IFFO2: variants seen among roughly 807,000 people sequenced by gnomAD.
IFFO2 encodes intermediate filament family orphan 2.
IFFO2 carries 19 observed loss-of-function variants against 53.5 expected under a neutral mutation model. The ratio of observed to expected loss-of-function variants is 0.36; its 90% confidence interval spans 0.25 to 0.52. The LOEUF (loss-of-function observed/expected upper bound fraction) is 0.52, where lower values mean the gene tolerates loss of function less well. Ranked by LOEUF, IFFO2 falls within the 20% of genes least tolerant of loss-of-function variation. IFFO2 has a pLI of 0.94. For missense variants in IFFO2, 570 were observed against 727.4 expected (o/e 0.78, Z 2.49); for synonymous variants, 303 against 313.6 (o/e 0.97, Z 0.36).
At chr1:18,942,111 C>T (rs577940000) in intron 1 of IFFO2, among the ~76,000 whole-genome samples, 2 of 152,298 alleles carry the variant, frequency 1.3e-5, no homozygotes, top group South Asian at 2.1e-4. Context: ...CTCACTGTGC[C>T]GCGTTTTCCT....
rs532371853 is a variant in IFFO2 at position 18,922,220 on chromosome 1, G to A, written c.666-1099C>T. On this transcript the variant is annotated intron_variant, in intron 1 of 8. Coordinates refer to ENST00000455833, the MANE Select transcript of IFFO2 (RefSeq NM_001136265.2). ...ACCCAGGAACTGTCAAAGCCTAAAGGCCCTAACCCAGCTCCTCCAACAGAG... is the reference window on the plus strand; with the variant it reads ...ACCCAGGAACTGTCAAAGCCTAAAGACCCTAACCCAGCTCCTCCAACAGAG... Among the ~76,000 whole-genome samples the A allele has an allele frequency of 8.0e-4, 122 of 152,200 alleles. 3 individuals are homozygous for A. In the South Asian group the frequency reaches 0.025, roughly 31 times the overall value.
At chr1:18,953,224 G>T (rs1291369973) in intron 1 of IFFO2, among the ~76,000 whole-genome samples, 2 of 152,212 alleles carry the variant, frequency 1.3e-5, no homozygotes, top group African/African-American at 4.8e-5. Flanking sequence ...GGGATCAGAA[G>T]CGGGCTGGGA....
At chr1:18,941,611 C>T (rs761678024) in intron 1 of IFFO2, among the ~76,000 whole-genome samples, 12 of 152,240 alleles carry the variant, frequency 7.9e-5, no homozygotes, top group Non-Finnish European at 1.8e-4. Context: ...CTGCTGGGTG[C>T]AGGGCAGGGC....
chr1:18,946,222 A>T (rs554503818), intron 1 of IFFO2, among the ~76,000 whole-genome samples: 29 of 152,250 alleles, frequency 1.9e-4, no homozygotes, highest in African/African-American at 7.0e-4. Context: ...CTCCACGGGT[A>T]TCATTTTAGA....
chr1:18,913,993 G>A (rs6687011), intron 5 of IFFO2, among the ~76,000 whole-genome samples: 7,037 of 152,120 alleles, frequency 0.046, 507 homozygotes, highest in African/African-American at 0.16. Context: ...CACCACGCCC[G>A]GCTAATTTTT....
chr1:18,941,053 T>C (rs1418206434), intron 1 of IFFO2, among the ~76,000 whole-genome samples: 1 of 152,190 alleles, frequency 6.6e-6, no homozygotes, highest in Non-Finnish European at 1.5e-5. Flanking sequence ...ACTCTGCCAC[T>C]CTCTAGCTTT....
At chr1:18,935,204 C>T (rs377704108) in intron 1 of IFFO2, among the ~76,000 whole-genome samples, 7 of 152,262 alleles carry the variant, frequency 4.6e-5, no homozygotes, top group African/African-American at 1.2e-4. Context: ...AGGAAGACTC[C>T]GCTATAAATA....
At chr1:18,931,087 C>T (rs910004293) in intron 1 of IFFO2, among the ~76,000 whole-genome samples, 59 of 152,032 alleles carry the variant, frequency 3.9e-4, no homozygotes, top group African/African-American at 1.3e-3. Context: ...TTGGAGGATC[C>T]CTCGAGCCTA....
intron 5 of IFFO2, among the ~76,000 whole-genome samples, chr1:18,914,577 G>A (rs1936103248): frequency 1.3e-5 from 2 of 152,070 alleles, no homozygotes; most frequent in African/African-American, 4.8e-5. Context: ...AGGACTTCGG[G>A]AGGCCAAGGT....
At position 18,918,352 on chromosome 1, in the gene IFFO2, C is replaced by A; in HGVS notation, c.963+10G>T. On this transcript the variant is annotated intron_variant, in intron 4 of 8. Coordinates refer to ENST00000455833, the MANE Select transcript of IFFO2 (RefSeq NM_001136265.2). This position sits in a 1 kb window ranked among gnomAD's most constrained non-coding sequence, Gnocchi z 5.2. ...GGGGGTTGGCTGGTGAGCAGGGCAGCCCTAGTCACCTGGAAGATCTTGGAC... is the reference window on the plus strand; with the variant it reads ...GGGGGTTGGCTGGTGAGCAGGGCAGACCTAGTCACCTGGAAGATCTTGGAC... 6.5e-7 allele frequency: 1 copy of A among 1,550,220 alleles called. No homozygotes were observed. Among genetic ancestry groups the A allele is most frequent in the Non-Finnish European group, 8.7e-7 (1 of 1,145,778 alleles).
intron 1 of IFFO2, among the ~76,000 whole-genome samples, chr1:18,932,002 C>T (rs1321628285): frequency 2.0e-5 from 3 of 152,202 alleles, no homozygotes; most frequent in African/African-American, 7.2e-5. Context: ...AGGAAGGCCT[C>T]GGCACACCAC....
Position 18,919,698 on chromosome 1 carries a change from A to C in IFFO2, c.802T>G (p.Phe268Val). Residue 268 changes from phenylalanine (F) to valine (V), a missense_variant, in exon 3 of 9, where the codon TTT (phenylalanine) becomes GTT (valine). Transcript: ENST00000455833. The surrounding 1 kb of genome is among the most constrained non-coding windows in gnomAD (Gnocchi z 4.9). ...IERLKAELVV[F>V]KGLMSDPMTD... ...CTTACGTCACTCATAAGCCCCTTAA[A>C]CACCACCAGCTCGGCCTTGAGCCGC... The C allele has an allele frequency of 1.3e-6, 2 of 1,551,584 alleles. No individual in the cohort carries two copies. Among genetic ancestry groups the C allele is most frequent in the Non-Finnish European group, 1.7e-6 (2 of 1,146,912 alleles).
chr1:18,949,300 G>A (rs1290014521), intron 1 of IFFO2, among the ~76,000 whole-genome samples: 2 of 152,250 alleles, frequency 1.3e-5, no homozygotes, highest in African/African-American at 4.8e-5. Context: ...AGTTGGAGCC[G>A]GCCCCCACAG....
intron 1 of IFFO2, among the ~76,000 whole-genome samples, chr1:18,925,349 C>G (rs1167884727): frequency 6.6e-6 from 1 of 152,218 alleles, no homozygotes; most frequent in Non-Finnish European, 1.5e-5. Context: ...GTTTGCCCCA[C>G]AGCTTAAAGC....
chr1:18,942,317 T>C (rs1936531691), intron 1 of IFFO2, among the ~76,000 whole-genome samples: 1 of 152,166 alleles, frequency 6.6e-6, no homozygotes, highest in Admixed American at 6.5e-5. Flanking sequence ...TTTCCAGAGC[T>C]CCTTGTCTGG....
intron 5 of IFFO2, among the ~76,000 whole-genome samples, chr1:18,913,399 G>A (rs779135101): frequency 3.9e-5 from 6 of 152,254 alleles, no homozygotes; most frequent in Non-Finnish European, 7.3e-5. Flanking sequence ...TTCCTTCCCA[G>A]CGTCTGGGAT....
chr1:18,942,684 A>G (rs1936535606), intron 1 of IFFO2, among the ~76,000 whole-genome samples: 1 of 152,140 alleles, frequency 6.6e-6, no homozygotes, highest in African/African-American at 2.4e-5. Context: ...CCCACAATTG[A>G]ATTATGTCTT....
intron 1 of IFFO2, among the ~76,000 whole-genome samples, chr1:18,952,981 A>G (rs1481323610): frequency 1.3e-5 from 2 of 152,262 alleles, no homozygotes; most frequent in Non-Finnish European, 2.9e-5. Flanking sequence ...TGAGCCTCGC[A>G]GCCTAAGTTG....
At chr1:18,943,537 T>C (rs962889715) in intron 1 of IFFO2, among the ~76,000 whole-genome samples, 2 of 152,312 alleles carry the variant, frequency 1.3e-5, no homozygotes, top group Admixed American at 1.3e-4. Context: ...GGCAAAGTTC[T>C]CAAGACTTCC....
Sources: allele counts gnomAD v4.1 joint callset (sites outside exome capture counted in the v4.1 genomes callset), GRCh38; gene constraint gnomAD v4.1.1; non-coding constraint Gnocchi (gnomAD v3.1); transcripts MANE v1.5; gene names NCBI Gene and HGNC (gene_info 2026-07-23, HGNC 2026-07-21).